Variants in WBP2 observed in about 807,000 individuals in gnomAD.
WBP2 encodes WW domain binding protein 2, also known as WW domain-binding protein 2.
Under a neutral mutation model 33.0 loss-of-function variants are expected in WBP2, and 23 were observed. The ratio of observed to expected loss-of-function variants is 0.70; its 90% CI spans 0.50 to 0.99. The LOEUF (loss-of-function observed/expected upper bound fraction) is 0.99, where lower values mean the gene tolerates loss of function less well. WBP2 is among the 50% of genes least tolerant of loss of function. The pLI is 0.00. For missense variants in WBP2, 353 were observed against 358.0 expected, an observed-to-expected ratio of 0.99 and a Z score of 0.11; for synonymous variants, 153 against 133.5, an observed-to-expected ratio of 1.15 and a Z score of -1.01.
Position 75,852,465 on chromosome 17 carries a change from T to A in WBP2, c.60-789A>T, listed in dbSNP as rs944626407. The A allele has an allele frequency of 2.8e-4, 43 of 151,274 alleles. 1 individual carries two copies. In the South Asian group the frequency reaches 3.1e-3, roughly 11 times the overall value. 9.4% of individuals were successfully genotyped at this position (151,274 alleles called of 1,614,324 possible). ...TCTTCTATTTTCTTTATTTTTTTTT[T>A]TTTTTTTTGAGACGGAGTCTCACTC... is the stretch of plus-strand genomic sequence containing the variant. On this transcript the variant is annotated intron_variant, in intron 1 of 7. Transcript: ENST00000254806.
At chr17:75,851,914 C>T in intron 1 of WBP2, 1 of 316,688 alleles carries the variant, frequency 3.2e-6, no homozygotes, top group Non-Finnish European at 6.4e-6. Flanking sequence ...CCAGCCTGGC[C>T]AACATGGTGA....
chr17:75,856,292 G>A (rs2065058208), upstream of WBP2: 1 of 152,236 alleles, frequency 6.6e-6, no homozygotes, highest in African/African-American at 2.4e-5. Context: ...GCGGAGAGAG[G>A]GGGCTGCACT....
At chr17:75,856,427 G>A (rs2065058926), upstream of WBP2, 1 of 152,224 alleles carries the variant, frequency 6.6e-6, no homozygotes, top group Admixed American at 6.5e-5. Context: ...GCTTTCCAGG[G>A]AGGTCTCCTA....
chr17:75,854,790 C>T (rs1054144351), intron 1 of WBP2, among the ~76,000 whole-genome samples: 3 of 152,122 alleles, frequency 2.0e-5, no homozygotes, highest in African/African-American at 7.2e-5. Flanking sequence ...ACCTTTCTGC[C>T]CTCCACTTTC....
At chr17:75,851,411 G>A in intron 2 of WBP2, 157 bp downstream of exon 2, 1 of 604,354 alleles carries the variant, frequency 1.7e-6, no homozygotes, top group South Asian at 1.8e-5. Flanking sequence ...TGGAATCCAG[G>A]AGCATGTGAC....
intron 1 of WBP2, among the ~76,000 whole-genome samples, chr17:75,854,223 G>C (rs2065044701): frequency 6.6e-6 from 1 of 151,998 alleles, no homozygotes; most frequent in African/African-American, 2.4e-5. Flanking sequence ...AAGTCACAGG[G>C]CAGCTGGATG....
chr17:75,854,302 C>T (rs1176183917), intron 1 of WBP2, among the ~76,000 whole-genome samples: 3 of 152,164 alleles, frequency 2.0e-5, no homozygotes, highest in Non-Finnish European at 4.4e-5. Flanking sequence ...GCCTCCTAAG[C>T]TCCTTCTGCC....
At chr17:75,847,961 G>A (rs372039604) in intron 4 of WBP2, 31 bp from the exon 5 acceptor site, 12 of 1,557,686 alleles carry the variant, frequency 7.7e-6, no homozygotes, top group African/African-American at 1.4e-5. Context: ...AGAAATGAGC[G>A]TGGCCTGCCT....
chr17:75,856,339 G>A (rs1453741236), upstream of WBP2: 2 of 152,208 alleles, frequency 1.3e-5, no homozygotes, highest in East Asian at 1.9e-4. Context: ...TAATGTTAAG[G>A]AATTAGAGTT....
At chr17:75,855,859 A>G (rs1391240334), upstream of WBP2, among the ~76,000 whole-genome samples, 2 of 152,178 alleles carry the variant, frequency 1.3e-5, no homozygotes, top group African/African-American at 2.4e-5. Flanking sequence ...CGTTTAGCTG[A>G]GCCGGAGGCC....
intron 1 of WBP2, 131 bp from the exon 2 acceptor site, chr17:75,851,807 A>C: frequency 1.5e-6 from 1 of 681,142 alleles, no homozygotes; most frequent in Non-Finnish European, 2.7e-6. Flanking sequence ...TGCGGCATTA[A>C]AACTATTCAT....
At chr17:75,852,342 C>T (rs1197918211) in intron 1 of WBP2, 1 of 152,312 alleles carries the variant, frequency 6.6e-6, no homozygotes, top group Non-Finnish European at 1.5e-5. Context: ...TTTCCCAAAC[C>T]CCGCTTATAA....
In WBP2 at chr17:75,850,678, C is replaced by G. The variant is rs556941285; in HGVS notation, c.168+890G>C. On this transcript the variant is annotated intron_variant, in intron 2 of 7. Coordinates refer to ENST00000254806, the MANE Select transcript of WBP2 (RefSeq NM_012478.4). ...TAAAACTTGAAAATGTGCTCCTCTT[C>G]TTCCAGCTGTCTTTGAGTCTAAGTC... Among the ~76,000 whole-genome samples, 9 of 152,254 alleles carry G rather than the reference C, an allele frequency of 5.9e-5. No homozygotes were observed. The East Asian group carries it at 7.7e-4, about 13-fold the overall frequency.
upstream of WBP2, among the ~76,000 whole-genome samples, chr17:75,855,640 T>TCCCCA: frequency 6.6e-6 from 1 of 152,216 alleles, no homozygotes; most frequent in South Asian, 2.1e-4. Context: ...GCTTGTGCCA[T>TCCCCA]CCCCACCCCG....
At position 75,848,677 on chromosome 17, in the gene WBP2, A is replaced by G. The variant is rs538276109; in HGVS notation, c.305-15T>C. 4 of 1,605,298 alleles carry G rather than the reference A, an allele frequency of 2.5e-6. No homozygotes were observed. In the East Asian group the frequency reaches 6.7e-5, roughly 27 times the overall value. On this transcript the variant is annotated splice_polypyrimidine_tract_variant and intron_variant, in intron 3 of 7. Coordinates refer to ENST00000254806, the MANE Select transcript of WBP2 (RefSeq NM_012478.4). Reference sequence around the variant, plus strand: ...TTCCCAGCCACCTGAAAGGGGAAGGACAGTGAATAAACAGCACAGGAAAAG... The same window carrying G: ...TTCCCAGCCACCTGAAAGGGGAAGGGCAGTGAATAAACAGCACAGGAAAAG...
At position 75,849,694 on chromosome 17, in the gene WBP2, T is replaced by A. The variant is rs1482038745; in HGVS notation, c.214A>T (p.Met72Leu). Residue 72 changes from methionine to leucine, a missense_variant, in exon 3 of 8, where the codon ATG becomes TTG. Transcript: ENST00000254806. ...CAGTCTTTCATGAGATAAAATGGCATCATGAAGGACTGCATGGCATCCTTG... is the reference window on the plus strand; with the variant it reads ...CAGTCTTTCATGAGATAAAATGGCAACATGAAGGACTGCATGGCATCCTTG... ...KGKDAMQSFM[M>L]PFYLMKDCEI... The A allele has an allele frequency of 1.2e-6, 2 of 1,614,164 alleles. No homozygotes were observed. The highest frequency in any genetic ancestry group is 2.2e-5 in the East Asian group (1 of 44,890).
chr17:75,849,715 C>T lies in WBP2; in HGVS notation c.193G>A (p.Asp65Asn). The T allele has an allele frequency of 6.2e-7, 1 of 1,614,146 alleles. No individual in the cohort carries two copies. Among genetic ancestry groups the T allele is most frequent in the Non-Finnish European group, 8.5e-7 (1 of 1,180,022 alleles). The part of the protein sequence containing the change: ...YRVIFLSKGK[D>N]AMQSFMMPFY... ...GGCATCATGAAGGACTGCATGGCAT[C>T]CTTGCCCTTGGACAGAAAGATGACC... The change falls in exon 3 of 8, where the codon GAT becomes AAT. Residue 65 changes from aspartate (D) to asparagine (N), a missense_variant. By Grantham distance (23) the Asp-to-Asn change is conservative. Transcript: ENST00000254806.
At chr17:75,848,729 T>C (rs1200384323) in intron 3 of WBP2, 67 bp from the exon 4 acceptor site, 20 of 1,422,982 alleles carry the variant, frequency 1.4e-5, no homozygotes, top group Non-Finnish European at 1.9e-5. Context: ...GAGATGGCTG[T>C]TTTCCTCTCC....
chr17:75,846,441 G>A lies in WBP2; in HGVS notation c.*293C>T, dbSNP rs934043220. 3 of 481,678 alleles carry A rather than the reference G, an allele frequency of 6.2e-6. No individual in the cohort carries two copies. The highest frequency in any genetic ancestry group is 4.4e-5 in the South Asian group (2 of 45,436). The allele number at this position is 481,678 out of a possible 1,614,324, so 29.8% of individuals were successfully genotyped here. A position where few individuals can be genotyped will look rare whatever the true frequency, so the allele number is the denominator to read the frequency against. ...TGGCCAGAGAGTCCCTTCGAGGGGAGAAGCTGAGAGTGAAACAGGAACAGG... is the reference window on the plus strand; with the variant it reads ...TGGCCAGAGAGTCCCTTCGAGGGGAAAAGCTGAGAGTGAAACAGGAACAGG... On this transcript the variant is annotated 3_prime_UTR_variant, in exon 8 of 8. Transcript: ENST00000254806. This position sits in a 1 kb window ranked among gnomAD's most constrained non-coding sequence, Gnocchi z 4.8.
Sources: gnomAD v4.1 joint callset for allele counts (sites outside exome capture counted in the v4.1 genomes callset) on GRCh38, gnomAD v4.1.1 for gene constraint, Gnocchi (gnomAD v3.1) non-coding constraint, MANE v1.5 for transcripts, NCBI Gene and HGNC (gene_info 2026-07-23, HGNC 2026-07-21) for gene names.